The following UNC5C variants were observed in gnomAD, a reference collection of about 807,000 sequenced individuals.
UNC5C encodes the protein netrin receptor UNC5C.
In UNC5C, 47 loss-of-function variants were observed where a neutral mutation model predicts 99.8. The observed-to-expected ratio is 0.47, with a 90% CI of 0.37 to 0.60. The LOEUF (loss-of-function observed/expected upper bound fraction) is 0.60. Ranked by LOEUF, UNC5C falls within the 20% of genes least tolerant of loss-of-function variation. UNC5C has a pLI of 0.00. For missense variants in UNC5C, 1,062 were observed against 1,165.9 expected (o/e 0.91, Z 1.30); for synonymous variants, 487 against 452.2 (o/e 1.08, Z -0.98).
chr4:95,510,012 C>T (rs1376401609), intron 1 of UNC5C, among the ~76,000 whole-genome samples: 9 of 151,840 alleles, frequency 5.9e-5, no homozygotes, highest in Non-Finnish European at 1.2e-4. Flanking sequence ...AATTTAAAGT[C>T]CTCTCCGTAT....
intron 2 of UNC5C, among the ~76,000 whole-genome samples, chr4:95,307,785 A>T (rs532808934): frequency 6.6e-6 from 1 of 152,312 alleles, no homozygotes; most frequent in East Asian, 1.9e-4. Context: ...ATCAAGTGGG[A>T]TATATCCCTG....
At chr4:95,229,797 CTT>C (rs71583694) in intron 7 of UNC5C, among the ~76,000 whole-genome samples, 542 of 79,368 alleles carry the variant, frequency 6.8e-3, no homozygotes, top group Non-Finnish European at 9.9e-3. Flanking sequence ...CTGTTGTTTC[CTT>C]TTTTTTTTTT....
chr4:95,386,179 A>G (rs1745206057), intron 1 of UNC5C, among the ~76,000 whole-genome samples: 1 of 152,030 alleles, frequency 6.6e-6, no homozygotes. Context: ...CTGTATTATT[A>G]CAACCAATTT....
At chr4:95,535,513 C>T (rs1408653510) in intron 1 of UNC5C, among the ~76,000 whole-genome samples, 1 of 152,136 alleles carries the variant, frequency 6.6e-6, no homozygotes, top group East Asian at 1.9e-4. Flanking sequence ...ATTCTCAGTT[C>T]TTCACTTTTG....
chr4:95,319,411 T>C (rs994059017), intron 2 of UNC5C, among the ~76,000 whole-genome samples: 2 of 152,196 alleles, frequency 1.3e-5, no homozygotes, highest in Non-Finnish European at 2.9e-5. Context: ...GTTAAGCCTT[T>C]GATGAAATTA....
chr4:95,206,025 G>T (rs1425341029), intron 11 of UNC5C, among the ~76,000 whole-genome samples: 20 of 149,544 alleles, frequency 1.3e-4, no homozygotes, highest in African/African-American at 4.9e-4. Context: ...TTTTGAGATG[G>T]AATCTTACTC....
intron 1 of UNC5C, among the ~76,000 whole-genome samples, chr4:95,501,252 G>A (rs1721768477): frequency 6.6e-6 from 1 of 152,040 alleles, no homozygotes; most frequent in Non-Finnish European, 1.5e-5. Flanking sequence ...GTGGGCTTGT[G>A]TTCTTTAAAA....
At chr4:95,307,321 A>G (rs1742097985) in intron 2 of UNC5C, among the ~76,000 whole-genome samples, 1 of 152,154 alleles carries the variant, frequency 6.6e-6, no homozygotes, top group Non-Finnish European at 1.5e-5. Flanking sequence ...GCAAGTGGGA[A>G]TTGCAACTTG....
At chr4:95,205,212 GTTGTTA>G (rs1421345915) in intron 11 of UNC5C, among the ~76,000 whole-genome samples, 1 of 152,086 alleles carries the variant, frequency 6.6e-6, no homozygotes, top group Non-Finnish European at 1.5e-5. Flanking sequence ...TGTTAATGTC[GTTGTTA>G]TTGTAACTAC....
intron 1 of UNC5C, among the ~76,000 whole-genome samples, chr4:95,355,955 T>G (rs1047289030): frequency 2.6e-5 from 4 of 151,884 alleles, no homozygotes; most frequent in Admixed American, 6.6e-5. Context: ...TTTGGGGGAC[T>G]GAGGTGGGAA....
At chr4:95,235,569 C>T (rs960300547) in intron 7 of UNC5C, among the ~76,000 whole-genome samples, 2 of 152,130 alleles carry the variant, frequency 1.3e-5, no homozygotes, top group African/African-American at 4.8e-5. Context: ...ATGCCTATGT[C>T]CTGAATGGTA....
rs1010673618 is a variant in UNC5C at position 95,487,465 on chromosome 4, G to A, written c.124+61269C>T. Among the ~76,000 whole-genome samples, 4 of 151,292 alleles carry A rather than the reference G, an allele frequency of 2.6e-5. No individual in the cohort carries two copies. In the East Asian group the frequency reaches 7.8e-4, roughly 30 times the overall value. ...GAAGGGAAATAAACATTAACTCTATGGTATACTTTTTAATACTCATACTAT... is the reference window on the plus strand; with the variant it reads ...GAAGGGAAATAAACATTAACTCTATAGTATACTTTTTAATACTCATACTAT... On this transcript the variant is annotated intron_variant, in intron 1 of 15. Transcript: ENST00000453304.
At chr4:95,445,469 T>C (rs971042595) in intron 1 of UNC5C, among the ~76,000 whole-genome samples, 9 of 152,138 alleles carry the variant, frequency 5.9e-5, no homozygotes, top group African/African-American at 2.2e-4. Flanking sequence ...TCCTGTAGAA[T>C]TGGCTTTTTA....
At chr4:95,177,194 A>C (rs1736398208) in intron 14 of UNC5C, among the ~76,000 whole-genome samples, 1 of 152,060 alleles carries the variant, frequency 6.6e-6, no homozygotes, top group African/African-American at 2.4e-5. Flanking sequence ...TGCAGAAATC[A>C]CCCATCTTAT....
At chr4:95,289,022 C>A (rs7695299) in intron 3 of UNC5C, among the ~76,000 whole-genome samples, 3 of 151,610 alleles carry the variant, frequency 2.0e-5, no homozygotes, top group African/African-American at 7.3e-5. Flanking sequence ...TAGTTTAATC[C>A]TAGTTCTGTA....
intron 1 of UNC5C, among the ~76,000 whole-genome samples, chr4:95,516,940 C>T (rs146823561): frequency 1.2e-3 from 185 of 152,166 alleles, no homozygotes; most frequent in African/African-American, 4.1e-3. Flanking sequence ...AACTGAAGTC[C>T]CCAGGATAGA....
chr4:95,353,869 C>G, intron 1 of UNC5C, among the ~76,000 whole-genome samples: 1 of 151,988 alleles, frequency 6.6e-6, no homozygotes, highest in East Asian at 1.9e-4. Flanking sequence ...AATTAAAAAA[C>G]TATTTTAGTG....
At chr4:95,487,671 C>T (rs1721364257) in intron 1 of UNC5C, among the ~76,000 whole-genome samples, 1 of 151,720 alleles carries the variant, frequency 6.6e-6, no homozygotes, top group Admixed American at 6.6e-5. Flanking sequence ...AGAGAACTCT[C>T]TCCTACCACA....
chr4:95,185,325 C>G (rs1446240977), intron 12 of UNC5C, 129 bp from the exon 13 acceptor site: 1 of 1,138,676 alleles, frequency 8.8e-7, no homozygotes, highest in Non-Finnish European at 1.2e-6. Flanking sequence ...CTTGAACACC[C>G]ACTTTTGCAG....
Sources: allele counts gnomAD v4.1 joint callset (sites outside exome capture counted in the v4.1 genomes callset), GRCh38; gene constraint gnomAD v4.1.1; transcripts MANE v1.5; gene names NCBI Gene and HGNC (gene_info 2026-07-23, HGNC 2026-07-21).